Variants in SDF2 observed in about 807,000 individuals in gnomAD.
SDF2 encodes stromal cell derived factor 2.
SDF2 carries 12 observed loss-of-function variants against 20.5 expected under a neutral mutation model. The ratio of observed to expected loss-of-function variants is 0.58; its 90% CI spans 0.37 to 0.95. The LOEUF (loss-of-function observed/expected upper bound fraction) is 0.95. SDF2 is among the 40% of genes least tolerant of loss of function. The pLI is 0.01. For synonymous variants in SDF2, 100 were observed against 101.0 expected (o/e 0.99, Z 0.06); for missense variants, 238 against 263.1 (o/e 0.90, Z 0.66).
chr17:28,653,920 G>A (rs1182374059), intron 2 of SDF2, among the ~76,000 whole-genome samples: 2 of 152,164 alleles, frequency 1.3e-5, no homozygotes, highest in African/African-American at 2.4e-5. Flanking sequence ...TTTACCCTTC[G>A]AAGGTAAGAT....
intron 2 of SDF2, among the ~76,000 whole-genome samples, chr17:28,652,813 T>A (rs569794904): frequency 1.2e-4 from 18 of 152,146 alleles, no homozygotes; most frequent in Admixed American, 2.6e-4. Flanking sequence ...AGGAAAGAAG[T>A]GCTTTAAAGT....
At chr17:28,661,920 C>T, upstream of SDF2, 1 of 1,581,350 alleles carries the variant, frequency 6.3e-7, no homozygotes, top group Non-Finnish European at 8.6e-7. Flanking sequence ...GAAAACTCGG[C>T]CCCTCCCCGG....
chr17:28,649,149 A>T lies in SDF2; in HGVS notation c.476T>A (p.Leu159Gln), dbSNP rs749195702. 1 of 1,614,102 alleles carries T rather than the reference A, an allele frequency of 6.2e-7. No individual in the cohort carries two copies. The highest frequency in any genetic ancestry group is 1.3e-5 in the African/African-American group (1 of 74,944). Reference protein sequence around the residue: ...RFKHSSTEVLLSVTGEQYGRP... With the variant: ...RFKHSSTEVLQSVTGEQYGRP... The stretch of plus-strand genomic sequence containing the variant: ...ACCATATTGTTCTCCTGTGACAGAC[A>T]GCAGTACCTCAGTGGAAGAGTGTTT... Residue 159 changes from leucine (L) to glutamine (Q), a missense_variant, in exon 3 of 3, where the codon CTG becomes CAG. Physicochemically the swap from Leu to Gln is moderately radical, Grantham distance 113. Coordinates refer to ENST00000247020, the MANE Select transcript of SDF2 (RefSeq NM_006923.4).
upstream of SDF2, chr17:28,661,919 G>GC (rs769604086): frequency 5.7e-6 from 9 of 1,581,958 alleles, no homozygotes; most frequent in South Asian, 2.2e-5. Flanking sequence ...AGAAAACTCG[G>GC]CCCCTCCCCG....
chr17:28,649,533 A>C (rs1318417904), intron 2 of SDF2, among the ~76,000 whole-genome samples: 1 of 151,996 alleles, frequency 6.6e-6, no homozygotes, highest in African/African-American at 2.4e-5. Context: ...TCAGGAGTTC[A>C]AGACCAGCCT....
chr17:28,657,402 G>GT (rs1458566623), intron 1 of SDF2, among the ~76,000 whole-genome samples: 7 of 151,420 alleles, frequency 4.6e-5, no homozygotes, highest in African/African-American at 1.5e-4. Flanking sequence ...ATATATATAT[G>GT]TATTTTTTTT....
chr17:28,654,611 T>G (rs1457787428), intron 2 of SDF2, among the ~76,000 whole-genome samples: 1 of 151,484 alleles, frequency 6.6e-6, no homozygotes. Flanking sequence ...AGGTCAGGAG[T>G]TCGAGACCAG....
intron 2 of SDF2, among the ~76,000 whole-genome samples, chr17:28,649,865 C>T (rs2071898706): frequency 1.3e-5 from 2 of 150,150 alleles, no homozygotes; most frequent in African/African-American, 4.9e-5. Flanking sequence ...CATACCACTG[C>T]ACTCCAGCTT....
At chr17:28,650,340 T>C (rs1463500389) in intron 2 of SDF2, among the ~76,000 whole-genome samples, 4 of 152,098 alleles carry the variant, frequency 2.6e-5, no homozygotes, top group Non-Finnish European at 5.9e-5. Flanking sequence ...TATAAGATTA[T>C]GGTCCATGGT....
chr17:28,651,297 C>G (rs946045857), intron 2 of SDF2, among the ~76,000 whole-genome samples: 2 of 152,218 alleles, frequency 1.3e-5, no homozygotes, highest in Non-Finnish European at 2.9e-5. Context: ...CTCCCAGCCT[C>G]AAGTGATCCA....
chr17:28,658,759 T>C (rs1216988052), intron 1 of SDF2, among the ~76,000 whole-genome samples: 1 of 152,250 alleles, frequency 6.6e-6, no homozygotes, highest in Non-Finnish European at 1.5e-5. Flanking sequence ...CCATTCTCGA[T>C]GGTCGCTGTC....
chr17:28,655,177 C>A, intron 2 of SDF2, 110 bp downstream of exon 2: 1 of 1,062,076 alleles, frequency 9.4e-7, no homozygotes, highest in Non-Finnish European at 1.4e-6. Context: ...CCCAGGTCTG[C>A]ACAAAAGAGA....
intron 1 of SDF2, among the ~76,000 whole-genome samples, chr17:28,659,151 C>T (rs1193978252): frequency 7.1e-6 from 1 of 140,680 alleles, no homozygotes; most frequent in Non-Finnish European, 1.5e-5. Flanking sequence ...GGCAGAGGCG[C>T]TCCTCACTTC....
chr17:28,661,716 C>T lies in SDF2; in HGVS notation c.151+10G>A. 6.2e-7 allele frequency: 1 copy of T among 1,607,248 alleles called. No individual in the cohort carries two copies. Among genetic ancestry groups the T allele is most frequent in the Non-Finnish European group, 8.5e-7 (1 of 1,174,296 alleles). On this transcript the variant is annotated intron_variant, in intron 1 of 2. Coordinates refer to ENST00000247020, the MANE Select transcript of SDF2 (RefSeq NM_006923.4). ...TCCCTAGCCCACCCGAGCCCGGTCC[C>T]CAGCATTACCTGACCCATAGCGCAC...
chr17:28,662,177 T>A (rs564204121), upstream of SDF2: 1 of 288,784 alleles, frequency 3.5e-6, no homozygotes, highest in African/African-American at 2.2e-5. Context: ...CCACTCCCGG[T>A]GACAGGGAGC....
At chr17:28,657,175 C>T (rs536043135) in intron 1 of SDF2, among the ~76,000 whole-genome samples, 29 of 151,906 alleles carry the variant, frequency 1.9e-4, no homozygotes, top group African/African-American at 6.0e-4. Context: ...TGCAGTGAGC[C>T]GAGATCACAC....
intron 1 of SDF2, chr17:28,657,774 G>A (rs1389853008): frequency 6.6e-6 from 1 of 152,196 alleles, no homozygotes; most frequent in Admixed American, 6.5e-5. Context: ...AGCACTTTGG[G>A]AGGTCAAGGT....
upstream of SDF2, chr17:28,661,987 A>G (rs1360903549): frequency 7.8e-7 from 1 of 1,287,182 alleles, no homozygotes; most frequent in Non-Finnish European, 1.1e-6. Flanking sequence ...CCCGAGTCTG[A>G]TCTTTATGGT....
chr17:28,658,087 T>C (rs2071981975), intron 1 of SDF2, among the ~76,000 whole-genome samples: 1 of 152,180 alleles, frequency 6.6e-6, no homozygotes, highest in Non-Finnish European at 1.5e-5. Context: ...GGTTACTGCC[T>C]TACAGCTCTC....
Sources: gnomAD v4.1 joint callset for allele counts (sites outside exome capture counted in the v4.1 genomes callset) on GRCh38, gnomAD v4.1.1 for gene constraint, MANE v1.5 for transcripts, NCBI Gene and HGNC (gene_info 2026-07-23, HGNC 2026-07-21) for gene names.